CHADL: variants seen among roughly 807,000 people sequenced by gnomAD.
CHADL encodes chondroadherin like.
In CHADL, 48 loss-of-function variants were observed where a neutral mutation model predicts 52.1. That is an observed-to-expected ratio of 0.92 (90% CI 0.73 to 1.17). The LOEUF is 1.17. CHADL is among the 50% of genes most tolerant of loss of function. The pLI is 0.00. For synonymous variants in CHADL, 498 were observed against 511.2 expected (o/e 0.97, Z 0.35); for missense variants, 977 against 1,035.1 (o/e 0.94, Z 0.77).
At position 41,236,479 on chromosome 22, in the gene CHADL, C is replaced by T. The variant is rs1264039626; in HGVS notation, c.2063+5G>A. The T allele has an allele frequency of 2.6e-5, 40 of 1,549,864 alleles. No homozygotes were observed. The highest frequency in any genetic ancestry group is 3.3e-5 in the Non-Finnish European group (38 of 1,146,416). On this transcript the variant is annotated splice_donor_5th_base_variant and intron_variant, in intron 4 of 5. Coordinates refer to ENST00000216241, the MANE Select transcript of CHADL (RefSeq NM_138481.2). ...TTGGCTGGAGGTCTAGGTGGGGGTGCCCACCTGTGCAGCGGAAGCAGCTGG... is the reference window on the plus strand; with the variant it reads ...TTGGCTGGAGGTCTAGGTGGGGGTGTCCACCTGTGCAGCGGAAGCAGCTGG...
intron 5 of CHADL, among the ~76,000 whole-genome samples, chr22:41,232,043 A>T (rs147839792): frequency 1.9e-3 from 288 of 152,306 alleles, no homozygotes; most frequent in African/African-American, 6.4e-3. Flanking sequence ...GCTTAAATTT[A>T]CACCTGTTGC....
chr22:41,238,153 G>C lies in CHADL; in HGVS notation c.919C>G (p.Leu307Val), dbSNP rs964257483. The stretch of plus-strand genomic sequence containing the variant: ...CCGCACCACAGCGGATTCCCCTGCA[G>C]CCGCAGCCGGCGCAGCTGGCCCGGG... ...QGPGQLRRLR[L>V]QGNPLWCGCQ... The change falls in exon 3 of 6, where the codon CTG becomes GTG. Residue 307 changes from leucine to valine, a missense_variant. Physicochemically the swap from Leu to Val is conservative, Grantham distance 32. Coordinates refer to ENST00000216241, the MANE Select transcript of CHADL (RefSeq NM_138481.2). The surrounding 1 kb of genome is among the most constrained non-coding windows in gnomAD (Gnocchi z 4.9). 6.9e-7 allele frequency: 1 copy of C among 1,454,170 alleles called. No homozygotes were observed. Among genetic ancestry groups the C allele is most frequent in the East Asian group, 2.9e-5 (1 of 34,918 alleles). The allele number at this position is 1,454,170 out of a possible 1,614,324, so 90.1% of individuals were successfully genotyped here. A position where few individuals can be genotyped will look rare whatever the true frequency, so the allele number is the denominator to read the frequency against.
rs2032806032 is a variant in CHADL at position 41,238,794 on chromosome 22, A to G, written c.278T>C (p.Leu93Pro). 1 of 1,549,656 alleles carries G rather than the reference A, an allele frequency of 6.5e-7. No individual in the cohort carries two copies. The highest frequency in any genetic ancestry group is 2.0e-5 in the Admixed American group (1 of 50,972). The change falls in exon 3 of 6, where the codon CTG (leucine) becomes CCG (proline). Residue 93 changes from leucine (L) to proline (P), a missense_variant. Leu to Pro is a moderately conservative substitution (Grantham distance 98). Coordinates refer to ENST00000216241, the MANE Select transcript of CHADL (RefSeq NM_138481.2). This position sits in a 1 kb window ranked among gnomAD's most constrained non-coding sequence, Gnocchi z 4.9. ...QGVPHLTHLD[L>P]RHCEVELVAE... ...CACCAGCTCCACCTCGCAGTGGCGCAGGTCCAGGTGTGTGAGGTGAGGCAC... is the reference window on the plus strand; with the variant it reads ...CACCAGCTCCACCTCGCAGTGGCGCGGGTCCAGGTGTGTGAGGTGAGGCAC...
chr22:41,234,433 G>C (rs1397438407), intron 5 of CHADL, among the ~76,000 whole-genome samples: 1 of 151,320 alleles, frequency 6.6e-6, no homozygotes, highest in African/African-American at 2.4e-5. Context: ...CCAGGCTGGG[G>C]TGCAGTGGCG....
intron 3 of CHADL, 49 bp from the exon 4 acceptor site, chr22:41,236,699 C>T: frequency 6.7e-7 from 1 of 1,496,412 alleles, no homozygotes; most frequent in Non-Finnish European, 8.9e-7. Context: ...AGAGCTGTCC[C>T]ACCCCCAAGT....
intron 5 of CHADL, chr22:41,230,443 C>G: frequency 1.7e-6 from 1 of 589,022 alleles, no homozygotes; most frequent in Admixed American, 3.0e-5. Context: ...TCTGCCCTCC[C>G]CTGTGGAAAG....
rs1347094576 is a variant in CHADL at position 41,240,864 on chromosome 22, A to C, written c.8+10T>G. 10 of 1,550,840 alleles carry C rather than the reference A, an allele frequency of 6.4e-6. No homozygotes were observed. In the Admixed American group the frequency reaches 2.0e-4, roughly 30 times the overall value. On this transcript the variant is annotated intron_variant, in intron 1 of 5. Transcript: ENST00000216241. ...AATCCCCCCTTGCACCATCGGGCCC[A>C]AAGACTCACCCCTCCATGCCGCCTG...
Position 41,239,494 on chromosome 22 carries a change from G to T in CHADL, c.135C>A (p.His45Gln), listed in dbSNP as rs914582426. Residue 45 changes from histidine (H) to glutamine (Q), a missense_variant, in exon 2 of 6, where the codon CAC (histidine) becomes CAA (glutamine). Transcript: ENST00000216241. ...TGAGGTTCTGGTACCGGCAGGCAAC[G>T]TGTCGCCTGGAGTTGTCACAGATGC... ...QACICDNSRR[H>Q]VACRYQNLTE... The T allele has an allele frequency of 1.3e-6, 2 of 1,550,480 alleles. No homozygotes were observed. Among genetic ancestry groups the T allele is most frequent in the South Asian group, 1.2e-5 (1 of 84,012 alleles).
In CHADL at chr22:41,237,775, T is replaced by C. The variant is rs1484192501; in HGVS notation, c.1297A>G (p.Arg433Gly). The C allele has an allele frequency of 2.0e-6, 3 of 1,534,802 alleles. No homozygotes were observed. In the Admixed American group the frequency reaches 6.1e-5, roughly 31 times the overall value. The change falls in exon 3 of 6, where the codon AGG becomes GGG. Residue 433 changes from arginine (R) to glycine (G), a missense_variant. By Grantham distance (125) the Arg-to-Gly change is moderately radical. Transcript: ENST00000216241. ...GGCACCGAGGGGAAGTGGTTCCGCC[T>C]CAGGTCCAGGAGCTGGGTGTCGCTG... ...FPSDTQLLDL[R>G]RNHFPSVPRA...
At chr22:41,239,204 C>T (rs2032816813) in intron 2 of CHADL, among the ~76,000 whole-genome samples, 1 of 152,238 alleles carries the variant, frequency 6.6e-6, no homozygotes, top group African/African-American at 2.4e-5. Context: ...CAGTATCGAT[C>T]TATGGGTCAC....
At position 41,232,918 on chromosome 22, in the gene CHADL, C is replaced by T. The variant is rs532228170; in HGVS notation, c.2262+2227G>A. Among the ~76,000 whole-genome samples, 18 of 152,206 alleles carry T rather than the reference C, an allele frequency of 1.2e-4. 1 individual carries two copies. The South Asian group carries it at 3.5e-3, about 30-fold the overall frequency. ...GTATTGCTCTCATCAACGATAGTTC[C>T]GGGTCTGGCTTCCAAGGCAGAACTT... On this transcript the variant is annotated intron_variant, in intron 5 of 5. Coordinates refer to ENST00000216241, the MANE Select transcript of CHADL (RefSeq NM_138481.2).
chr22:41,230,119 C>A (rs759005185), intron 5 of CHADL: 2 of 1,370,646 alleles, frequency 1.5e-6, no homozygotes. Flanking sequence ...CCCACCCACC[C>A]GCCTCCCCTC....
At chr22:41,231,099 T>C (rs2032566301) in intron 5 of CHADL, 1 of 152,214 alleles carries the variant, frequency 6.6e-6, no homozygotes, top group Non-Finnish European at 1.5e-5. Context: ...GGCTTGTATG[T>C]TCTTTTGGCC....
chr22:41,240,025 T>C (rs1482556207), intron 1 of CHADL, among the ~76,000 whole-genome samples: 1 of 152,104 alleles, frequency 6.6e-6, no homozygotes, highest in Non-Finnish European at 1.5e-5. Flanking sequence ...GGCAGGAGCA[T>C]AATGGTACCC....
chr22:41,238,946 T>C lies in CHADL; in HGVS notation c.187-61A>G. ...GCAGGGACCCCGCCTTTGCAAGTGC[T>C]GCTTCTTCCCCGGAACACTCTTTTC... On this transcript the variant is annotated intron_variant, in intron 2 of 5. Coordinates refer to ENST00000216241, the MANE Select transcript of CHADL (RefSeq NM_138481.2). This position sits in a 1 kb window ranked among gnomAD's most constrained non-coding sequence, Gnocchi z 4.9. 1 of 1,468,728 alleles carries C rather than the reference T, an allele frequency of 6.8e-7. No homozygotes were observed. Among genetic ancestry groups the C allele is most frequent in the Non-Finnish European group, 9.0e-7 (1 of 1,106,142 alleles). The allele number at this position is 1,468,728 out of a possible 1,614,324, so 91.0% of individuals were successfully genotyped here.
intron 5 of CHADL, among the ~76,000 whole-genome samples, chr22:41,234,364 C>CATTATTATTATTATTATT (rs71200674): frequency 7.2e-6 from 1 of 139,358 alleles, no homozygotes; most frequent in Non-Finnish European, 1.5e-5. Context: ...GGAGGATGGA[C>CATTATTATTATTATTATT]ATTATTATTA....
chr22:41,240,419 T>C (rs1946612094), intron 1 of CHADL, among the ~76,000 whole-genome samples: 1 of 152,222 alleles, frequency 6.6e-6, no homozygotes. Flanking sequence ...GTGTCAGGCA[T>C]GGCCTCTCCC....
intron 3 of CHADL, among the ~76,000 whole-genome samples, chr22:41,236,929 C>T (rs1221002890): frequency 1.3e-5 from 2 of 152,218 alleles, no homozygotes; most frequent in African/African-American, 2.4e-5. Context: ...TAGATGACTG[C>T]ATGGTCCCAA....
In CHADL at chr22:41,238,616, C is replaced by G. The variant is rs1313875238; in HGVS notation, c.456G>C (p.Gly152=). Residue 152 remains glycine (G), a synonymous_variant, in exon 3 of 6, where the codon GGG becomes GGC. Coordinates refer to ENST00000216241, the MANE Select transcript of CHADL (RefSeq NM_138481.2). The surrounding 1 kb of genome is among the most constrained non-coding windows in gnomAD (Gnocchi z 4.9). ...EGNALEELRP[G]TFGALGALAT... is the part of the protein sequence containing the mutation. ...CCAGCGCACCCAGTGCCCCGAACGT[C>G]CCCGGCCGCAGCTCCTCCAGTGCGT... 1 of 1,544,654 alleles carries G rather than the reference C, an allele frequency of 6.5e-7. No homozygotes were observed. Among genetic ancestry groups the G allele is most frequent in the Non-Finnish European group, 8.7e-7 (1 of 1,146,498 alleles).
Sources: allele counts gnomAD v4.1 joint callset (sites outside exome capture counted in the v4.1 genomes callset), GRCh38; gene constraint gnomAD v4.1.1; non-coding constraint Gnocchi (gnomAD v3.1); transcripts MANE v1.5; gene names NCBI Gene and HGNC (gene_info 2026-07-23, HGNC 2026-07-21).